Variants in CATSPERT observed in about 807,000 individuals in gnomAD.
CATSPERT encodes the protein cation channel sperm-associated targeting subunit tau.
the CATSPERT span, among the ~76,000 whole-genome samples, chr2:201,575,932 A>G: frequency 6.6e-6 from 1 of 152,180 alleles, no homozygotes; most frequent in Non-Finnish European, 1.5e-5. Context: ...CTAAACCACA[A>G]ATCAGGTAAT....
At chr2:201,528,068 GAAAA>G in the CATSPERT span, among the ~76,000 whole-genome samples, 125 of 139,030 alleles carry the variant, frequency 9.0e-4, 2 homozygotes, top group African/African-American at 2.3e-3. Context: ...AGCAAAAAGC[GAAAA>G]AAAAAAAAAA....
chr2:201,526,497 G>A, the CATSPERT span, among the ~76,000 whole-genome samples: 2 of 152,056 alleles, frequency 1.3e-5, no homozygotes, highest in Non-Finnish European at 2.9e-5. Context: ...CAGCCTGAAC[G>A]ACAAAGCAAG....
At chr2:201,603,247 T>C in the CATSPERT span, 58 of 1,611,550 alleles carry the variant, frequency 3.6e-5, no homozygotes, top group African/African-American at 6.7e-4. Context: ...ATGTCTGCAG[T>C]TCTTTATATG....
At chr2:201,583,689 C>G in the CATSPERT span, among the ~76,000 whole-genome samples, 2 of 152,024 alleles carry the variant, frequency 1.3e-5, no homozygotes, top group Non-Finnish European at 2.9e-5. Context: ...CATCCTAGAC[C>G]TCAAAGAAGT....
the CATSPERT span, among the ~76,000 whole-genome samples, chr2:201,609,309 T>C: frequency 6.6e-6 from 1 of 152,142 alleles, no homozygotes; most frequent in Non-Finnish European, 1.5e-5. Flanking sequence ...CAGAGAAACA[T>C]GGGATTTAAA....
chr2:201,495,331 T>C, the CATSPERT span, among the ~76,000 whole-genome samples: 1 of 152,142 alleles, frequency 6.6e-6, no homozygotes, highest in Admixed American at 6.5e-5. Context: ...CAGTTTCATC[T>C]TGCTTTTTGA....
At chr2:201,596,240 C>T in the CATSPERT span, among the ~76,000 whole-genome samples, 2 of 152,162 alleles carry the variant, frequency 1.3e-5, no homozygotes, top group Non-Finnish European at 2.9e-5. Context: ...GAATACTATG[C>T]AGCCATAAAA....
chr2:201,574,260 C>T, the CATSPERT span: 2 of 1,604,418 alleles, frequency 1.2e-6, no homozygotes, highest in South Asian at 1.1e-5. Context: ...TAAATTCCAC[C>T]TCCAGCCTGC....
the CATSPERT span, among the ~76,000 whole-genome samples, chr2:201,614,517 T>C: frequency 6.6e-6 from 1 of 152,142 alleles, no homozygotes; most frequent in South Asian, 2.1e-4. Flanking sequence ...GCTGAGAGAT[T>C]TTGTCACCAC....
At chr2:201,562,129 T>C in the CATSPERT span, among the ~76,000 whole-genome samples, 1 of 151,888 alleles carries the variant, frequency 6.6e-6, no homozygotes, top group Non-Finnish European at 1.5e-5. Context: ...TACCCCTGGA[T>C]CTTTGGTATG....
chr2:201,491,106 C>A, the CATSPERT span: 1 of 1,344,794 alleles, frequency 7.4e-7, no homozygotes, highest in South Asian at 1.5e-5. Context: ...GATATATACA[C>A]CCTAAATTAT....
At chr2:201,491,448 A>C in the CATSPERT span, 3 of 1,536,946 alleles carry the variant, frequency 2.0e-6, no homozygotes, top group African/African-American at 1.4e-5. Flanking sequence ...TTTCACTGCA[A>C]ATTTCATCTG....
chr2:201,604,142 T>C, the CATSPERT span, among the ~76,000 whole-genome samples: 18 of 130,918 alleles, frequency 1.4e-4, no homozygotes, highest in Non-Finnish European at 2.7e-4. Flanking sequence ...GGTGTGTGTG[T>C]GTATGTGTGT....
chr2:201,567,602 G>C, the CATSPERT span, among the ~76,000 whole-genome samples: 1 of 152,222 alleles, frequency 6.6e-6, no homozygotes, highest in East Asian at 1.9e-4. Flanking sequence ...TGATGTTTCA[G>C]TTTGAGTCCA....
At chr2:201,606,503 A>G in the CATSPERT span, among the ~76,000 whole-genome samples, 1 of 152,250 alleles carries the variant, frequency 6.6e-6, no homozygotes, top group Non-Finnish European at 1.5e-5. Flanking sequence ...TACATGAAAC[A>G]GGCATTCCAG....
At chr2:201,515,862 T>C in the CATSPERT span, among the ~76,000 whole-genome samples, 102 of 152,264 alleles carry the variant, frequency 6.7e-4, no homozygotes, top group African/African-American at 2.5e-3. Context: ...AATGGGAAAA[T>C]TTCCCTTGAC....
the CATSPERT span, among the ~76,000 whole-genome samples, chr2:201,545,969 CAG>C: frequency 6.6e-6 from 1 of 152,008 alleles, no homozygotes; most frequent in Admixed American, 6.6e-5. Context: ...CCCCAGGAAA[CAG>C]ATTACTTTTT....
the CATSPERT span, among the ~76,000 whole-genome samples, chr2:201,576,151 G>C: frequency 6.6e-6 from 1 of 152,090 alleles, no homozygotes; most frequent in African/African-American, 2.4e-5. Context: ...AGGGTGTATC[G>C]AGCATCCTTG....
the CATSPERT span, among the ~76,000 whole-genome samples, chr2:201,590,447 T>C: frequency 2.6e-5 from 4 of 151,914 alleles, no homozygotes; most frequent in Non-Finnish European, 5.9e-5. Flanking sequence ...AATAAACATA[T>C]GTGTGCATGT....
Sources: gnomAD v4.1 joint callset for allele counts (sites outside exome capture counted in the v4.1 genomes callset) on GRCh38, gnomAD v4.1.1 for gene constraint, MANE v1.5 for transcripts, NCBI Gene and HGNC (gene_info 2026-07-23, HGNC 2026-07-21) for gene names.